XKR9: variants seen among roughly 807,000 people sequenced by gnomAD.
The protein encoded by XKR9 is XK related 9, also known as XK-related protein 9.
A neutral mutation model predicts 32.0 loss-of-function variants in XKR9; 32 were observed. The ratio of observed to expected loss-of-function variants is 1.00; its 90% CI spans 0.76 to 1.34. The LOEUF is 1.34. Among genes scored for constraint, XKR9 ranks in the 40% most tolerant of loss-of-function variants. The pLI is 0.00. For missense variants in XKR9, 546 were observed against 429.7 expected, an observed-to-expected ratio of 1.27 and a Z score of -2.39; for synonymous variants, 168 against 143.4, an observed-to-expected ratio of 1.17 and a Z score of -1.22.
the XKR9 span, among the ~76,000 whole-genome samples, chr8:70,959,667 TA>T: frequency 2.0e-5 from 3 of 152,338 alleles, no homozygotes; most frequent in African/African-American, 7.2e-5. Context: ...TTTTCAAGAT[TA>T]AAAAATGGCA....
At chr8:71,055,355 G>A in the XKR9 span, among the ~76,000 whole-genome samples, 1 of 152,174 alleles carries the variant, frequency 6.6e-6, no homozygotes, top group Non-Finnish European at 1.5e-5. Context: ...GAACAAGAGG[G>A]AATACATAAA....
the XKR9 span, among the ~76,000 whole-genome samples, chr8:71,027,863 C>A: frequency 1.3e-5 from 2 of 151,928 alleles, no homozygotes; most frequent in East Asian, 3.9e-4. Context: ...CAACCTTCCC[C>A]TGGGGTCAAG....
chr8:70,853,721 C>T, the XKR9 span, among the ~76,000 whole-genome samples: 1 of 152,106 alleles, frequency 6.6e-6, no homozygotes, highest in Non-Finnish European at 1.5e-5. Context: ...TGTTCCCCTT[C>T]CTGTGTCCAT....
At chr8:70,906,446 A>G in the XKR9 span, among the ~76,000 whole-genome samples, 1 of 152,210 alleles carries the variant, frequency 6.6e-6, no homozygotes, top group African/African-American at 2.4e-5. Flanking sequence ...TGAAAGAAAA[A>G]TATTGTAACA....
At chr8:71,011,006 G>A in the XKR9 span, among the ~76,000 whole-genome samples, 102,721 of 152,000 alleles carry the variant, frequency 0.68, 35,121 homozygotes, top group Admixed American at 0.74. Context: ...GTTTAATTAC[G>A]ATCCCTTTTT....
chr8:70,899,312 C>T, the XKR9 span, among the ~76,000 whole-genome samples: 1 of 152,020 alleles, frequency 6.6e-6, no homozygotes, highest in Admixed American at 6.6e-5. Flanking sequence ...TATTTCTGCA[C>T]CAGTGTCTTT....
chr8:70,767,365 A>G (rs1046307995), intron 2 of XKR9, among the ~76,000 whole-genome samples: 2 of 152,056 alleles, frequency 1.3e-5, no homozygotes, highest in African/African-American at 4.8e-5. Context: ...CATTTCTTCT[A>G]GATTTTGTAA....
chr8:70,743,717 A>G (rs1807019472), intron 2 of XKR9, among the ~76,000 whole-genome samples: 1 of 151,958 alleles, frequency 6.6e-6, no homozygotes, highest in African/African-American at 2.4e-5. Context: ...TTTCTCCTAG[A>G]TTTTCCACCT....
At chr8:70,884,975 A>G in the XKR9 span, among the ~76,000 whole-genome samples, 1 of 152,210 alleles carries the variant, frequency 6.6e-6, no homozygotes, top group Admixed American at 6.5e-5. Flanking sequence ...GGAAGAATTG[A>G]CATCTTAATA....
chr8:71,065,386 T>C, the XKR9 span, among the ~76,000 whole-genome samples: 1 of 152,186 alleles, frequency 6.6e-6, no homozygotes, highest in African/African-American at 2.4e-5. Context: ...CACAACAAGA[T>C]ATCAGTCACC....
chr8:70,705,955 G>A (rs915286552), intron 3 of XKR9, among the ~76,000 whole-genome samples: 5 of 152,050 alleles, frequency 3.3e-5, no homozygotes, highest in Non-Finnish European at 5.9e-5. Context: ...AGAGCCAAGC[G>A]AACTTGCTGA....
At chr8:70,815,689 C>A in the XKR9 span, among the ~76,000 whole-genome samples, 15 of 152,002 alleles carry the variant, frequency 9.9e-5, 1 homozygote, top group East Asian at 2.9e-3. Context: ...CCATGCCCAG[C>A]TAACTTTTTG....
At chr8:70,922,175 G>C in the XKR9 span, among the ~76,000 whole-genome samples, 18 of 152,294 alleles carry the variant, frequency 1.2e-4, no homozygotes, top group African/African-American at 4.1e-4. Context: ...TGCATGCTAT[G>C]GACTCAGCAC....
the XKR9 span, among the ~76,000 whole-genome samples, chr8:70,931,903 G>T: frequency 2.0e-5 from 3 of 152,048 alleles, no homozygotes; most frequent in East Asian, 5.8e-4. Flanking sequence ...CCTACCAAAG[G>T]CCCCATCTCC....
chr8:70,791,102 T>C (rs1049861333), downstream of XKR9, among the ~76,000 whole-genome samples: 2 of 152,066 alleles, frequency 1.3e-5, no homozygotes, highest in African/African-American at 4.8e-5. Flanking sequence ...GATATAAACA[T>C]TCAGGCCATA....
At chr8:70,950,738 A>T in the XKR9 span, among the ~76,000 whole-genome samples, 1 of 151,640 alleles carries the variant, frequency 6.6e-6, no homozygotes, top group Non-Finnish European at 1.5e-5. Context: ...CAGTGGTGTG[A>T]TCTAAGCTCA....
chr8:70,713,281 A>G (rs183193207), intron 4 of XKR9, among the ~76,000 whole-genome samples: 34 of 152,248 alleles, frequency 2.2e-4, no homozygotes, highest in Admixed American at 1.3e-3. Context: ...AGATATTAAG[A>G]GACATGAGAG....
chr8:70,862,245 A>G, the XKR9 span, among the ~76,000 whole-genome samples: 1 of 152,094 alleles, frequency 6.6e-6, no homozygotes, highest in Non-Finnish European at 1.5e-5. Flanking sequence ...TCTCTTTTAT[A>G]AAGCATACTG....
the XKR9 span, among the ~76,000 whole-genome samples, chr8:70,951,866 T>TG: frequency 2.1e-3 from 267 of 127,502 alleles, no homozygotes; most frequent in African/African-American, 8.4e-3. Flanking sequence ...CATAGCATCA[T>TG]TGGGGGGGGG....
Sources: allele counts gnomAD v4.1 joint callset (sites outside exome capture counted in the v4.1 genomes callset), GRCh38; gene constraint gnomAD v4.1.1; transcripts MANE v1.5; gene names NCBI Gene and HGNC (gene_info 2026-07-23, HGNC 2026-07-21).